The following ZRANB1 variants were observed in gnomAD, a reference collection of about 807,000 sequenced individuals.
ZRANB1 encodes ubiquitin thioesterase ZRANB1.
In ZRANB1, 16 loss-of-function variants were observed where a neutral mutation model predicts 80.5. That is an observed-to-expected ratio of 0.20 (90% CI 0.13 to 0.30). The LOEUF (loss-of-function observed/expected upper bound fraction) is 0.30. Ranked by LOEUF, ZRANB1 falls within the 10% of genes least tolerant of loss-of-function variation. The probability of loss-of-function intolerance (pLI) is 1.00; values close to 1 mark genes in which losing one functional copy is unlikely to be tolerated. For synonymous variants in ZRANB1, 291 were observed against 293.1 expected, an observed-to-expected ratio of 0.99 and a Z score of 0.07; for missense variants, 576 against 862.6, an observed-to-expected ratio of 0.67 and a Z score of 4.16.
Position 124,966,590 on chromosome 10 carries a change from T to G in ZRANB1, c.815-4T>G. 6 of 1,610,388 alleles carry G rather than the reference T, an allele frequency of 3.7e-6. No individual in the cohort carries two copies. Among genetic ancestry groups the G allele is most frequent in the Non-Finnish European group, 5.1e-6 (6 of 1,177,094 alleles). On this transcript the variant is annotated splice_region_variant and splice_polypyrimidine_tract_variant and intron_variant, in intron 1 of 8. Transcript: ENST00000359653. ...ATGCTTTTCTATCTTGATGCTTGTT[T>G]TAGGGGTTGTAGAAGGTGATTTAGC...
upstream of ZRANB1, among the ~76,000 whole-genome samples, chr10:124,941,198 TAA>T (rs59781656): frequency 5.7e-4 from 85 of 148,796 alleles, no homozygotes; most frequent in East Asian, 1.6e-3. Flanking sequence ...TTCAAGCCAT[TAA>T]AAAAAAAAAA....
chr10:124,927,174 C>T, the ZRANB1 span, among the ~76,000 whole-genome samples: 3 of 152,152 alleles, frequency 2.0e-5, no homozygotes, highest in South Asian at 6.2e-4. Context: ...CCAGAATGGT[C>T]TCGATCTCCT....
At chr10:124,933,829 GT>G in the ZRANB1 span, among the ~76,000 whole-genome samples, 1 of 152,292 alleles carries the variant, frequency 6.6e-6, no homozygotes, top group South Asian at 2.1e-4. Flanking sequence ...TCACTTTCTT[GT>G]TACGATTGAG....
upstream of ZRANB1, among the ~76,000 whole-genome samples, chr10:124,937,168 G>T (rs575279626): frequency 5.8e-4 from 86 of 147,820 alleles, no homozygotes; most frequent in African/African-American, 2.0e-3. Flanking sequence ...CACTTGAAGA[G>T]AATTATTTGT....
chr10:124,923,750 AAACT>A, the ZRANB1 span, among the ~76,000 whole-genome samples: 1 of 151,750 alleles, frequency 6.6e-6, no homozygotes, highest in Non-Finnish European at 1.5e-5. Context: ...CCACGCTTTT[AAACT>A]ATCAGATCTC....
Position 124,978,543 on chromosome 10 carries a change from A to G in ZRANB1, c.1428-3166A>G, listed in dbSNP as rs535006177. Among the ~76,000 whole-genome samples the G allele has an allele frequency of 3.9e-5, 6 of 152,334 alleles. No individual in the cohort carries two copies. In the South Asian group the frequency reaches 1.2e-3, roughly 32 times the overall value. On this transcript the variant is annotated intron_variant, in intron 5 of 8. Coordinates refer to ENST00000359653, the MANE Select transcript of ZRANB1 (RefSeq NM_017580.3). ...TATATTGTACTTGCCTTTCAGTGACATGCCAACCCAATTTCCCACGGGGCA... is the reference window on the plus strand; with the variant it reads ...TATATTGTACTTGCCTTTCAGTGACGTGCCAACCCAATTTCCCACGGGGCA...
chr10:124,951,032 A>G (rs1951634664), intron 1 of ZRANB1, among the ~76,000 whole-genome samples: 1 of 147,464 alleles, frequency 6.8e-6, no homozygotes, highest in African/African-American at 2.6e-5. Context: ...TTACTTACAC[A>G]CCTTGTTTAA....
the ZRANB1 span, among the ~76,000 whole-genome samples, chr10:124,923,316 A>C: frequency 6.7e-6 from 1 of 149,862 alleles, no homozygotes; most frequent in African/African-American, 2.5e-5. Flanking sequence ...AGCTGATGCC[A>C]GGTGCTGTGG....
chr10:124,983,369 GAGC>G lies in ZRANB1; in HGVS notation c.1678+68_1678+70del, dbSNP rs2134000373. The G allele has an allele frequency of 6.2e-7, 1 of 1,600,828 alleles. No homozygotes were observed. Among genetic ancestry groups the G allele is most frequent in the Non-Finnish European group, 8.5e-7 (1 of 1,171,912 alleles). The stretch of plus-strand genomic sequence containing the variant: ...ACGGAATGGCTCAGATGTCAGGAAG[GAGC>G]AGTGGACAGGGGAATGTGAACAAGG... On this transcript the variant is annotated intron_variant, in intron 7 of 8. Coordinates refer to ENST00000359653, the MANE Select transcript of ZRANB1 (RefSeq NM_017580.3). The surrounding 1 kb of genome is among the most constrained non-coding windows in gnomAD (Gnocchi z 6.2).
At chr10:124,935,869 G>A in the ZRANB1 span, among the ~76,000 whole-genome samples, 2 of 152,150 alleles carry the variant, frequency 1.3e-5, no homozygotes, top group African/African-American at 2.4e-5. Context: ...AGGGAGGGAT[G>A]GAAATAGAAG....
chr10:124,943,489 CAT>C (rs1227446936), intron 1 of ZRANB1, among the ~76,000 whole-genome samples, 182 bp downstream of exon 1: 1 of 151,542 alleles, frequency 6.6e-6, no homozygotes, highest in Admixed American at 6.6e-5. Flanking sequence ...GCTTGGGTAA[CAT>C]AGTGAGACTG....
chr10:124,985,163 G>A lies in ZRANB1; in HGVS notation c.*171G>A. On this transcript the variant is annotated 3_prime_UTR_variant, in exon 9 of 9. Coordinates refer to ENST00000359653, the MANE Select transcript of ZRANB1 (RefSeq NM_017580.3). The stretch of plus-strand genomic sequence containing the variant: ...ACCTTATGGAGATAATGCCTCTGCT[G>A]CGTGAGGAGACAGAGAACTTTAGTT... The A allele has an allele frequency of 1.8e-6, 1 of 544,738 alleles. No individual in the cohort carries two copies. Among genetic ancestry groups the A allele is most frequent in the African/African-American group, 1.9e-5 (1 of 52,948 alleles). 33.7% of individuals were successfully genotyped at this position (544,738 alleles called of 1,614,324 possible). A position where few individuals can be genotyped will look rare whatever the true frequency, so the allele number is the denominator to read the frequency against.
At position 124,957,167 on chromosome 10, in the gene ZRANB1, C is replaced by T. The variant is rs983054266; in HGVS notation, c.815-9427C>T. Among the ~76,000 whole-genome samples the T allele has an allele frequency of 8.5e-5, 4 of 46,864 alleles. No homozygotes were observed. In the Admixed American group the frequency reaches 1.0e-3, roughly 12 times the overall value. 30.7% of individuals were successfully genotyped at this position (46,864 alleles called of 152,430 possible). A position where few individuals can be genotyped will look rare whatever the true frequency, so the allele number is the denominator to read the frequency against. On this transcript the variant is annotated intron_variant, in intron 1 of 8. Transcript: ENST00000359653. ...TTCAGTCTTCTCTAATCTAGAACAG[C>T]ACCTGTTTTTTTTTTTTTATTTCAT...
chr10:124,925,405 T>C, the ZRANB1 span, among the ~76,000 whole-genome samples: 3 of 152,190 alleles, frequency 2.0e-5, no homozygotes, highest in East Asian at 5.8e-4. Flanking sequence ...TTTAGAGTGG[T>C]GTTTATTTCA....
At chr10:124,968,789 C>T (rs2134285732) in intron 2 of ZRANB1, among the ~76,000 whole-genome samples, 1 of 152,258 alleles carries the variant, frequency 6.6e-6, no homozygotes, top group South Asian at 2.1e-4. Flanking sequence ...CATTGTGAGT[C>T]ATTGAGCTCC....
At chr10:124,963,694 A>G (rs112214709) in intron 1 of ZRANB1, among the ~76,000 whole-genome samples, 24 of 151,880 alleles carry the variant, frequency 1.6e-4, no homozygotes, top group African/African-American at 5.8e-4. Context: ...CCACGTCTAC[A>G]ACAAAAACGT....
At chr10:124,947,850 A>G (rs1951597771) in intron 1 of ZRANB1, among the ~76,000 whole-genome samples, 4 of 152,132 alleles carry the variant, frequency 2.6e-5, no homozygotes, top group Admixed American at 2.6e-4. Flanking sequence ...CCAAACCATG[A>G]TCTACCCTTG....
intron 2 of ZRANB1, 48 bp downstream of exon 2, chr10:124,966,829 G>T: frequency 6.8e-7 from 1 of 1,475,590 alleles, no homozygotes; most frequent in Non-Finnish European, 9.3e-7. Flanking sequence ...AAAGAAACCT[G>T]TTCTTTAGTT....
intron 2 of ZRANB1, among the ~76,000 whole-genome samples, chr10:124,967,905 CTT>C: frequency 7.0e-6 from 1 of 142,228 alleles, no homozygotes; most frequent in Non-Finnish European, 1.6e-5. Context: ...TTTTTTCTTT[CTT>C]TTTTTTTTTA....
Sources: gnomAD v4.1 joint callset for allele counts (sites outside exome capture counted in the v4.1 genomes callset) on GRCh38, gnomAD v4.1.1 for gene constraint, Gnocchi (gnomAD v3.1) non-coding constraint, MANE v1.5 for transcripts, NCBI Gene and HGNC (gene_info 2026-07-23, HGNC 2026-07-21) for gene names.